The following TTLL9 variants were observed in gnomAD, a reference collection of about 807,000 sequenced individuals.
The protein encoded by TTLL9 is probable tubulin polyglutamylase TTLL9.
In TTLL9, 47 loss-of-function variants were observed where a neutral mutation model predicts 65.6. The observed-to-expected ratio is 0.72, with a 90% CI of 0.57 to 0.91. TTLL9 has a LOEUF of 0.91. Among genes scored for constraint, TTLL9 ranks in the 40% least tolerant of loss-of-function variants. TTLL9 has a pLI of 0.00. For synonymous variants in TTLL9, 179 were observed against 204.8 expected (o/e 0.87, Z 1.07); for missense variants, 537 against 568.8 (o/e 0.94, Z 0.57).
At chr20:31,935,952 T>A (rs188763463) in intron 12 of TTLL9, among the ~76,000 whole-genome samples, 1 of 152,380 alleles carries the variant, frequency 6.6e-6, no homozygotes. Context: ...CCAAGAGGAC[T>A]GGCTGCACAG....
intron 4 of TTLL9, among the ~76,000 whole-genome samples, chr20:31,898,863 G>A (rs1357474187): frequency 6.6e-6 from 1 of 152,244 alleles, no homozygotes; most frequent in East Asian, 1.9e-4. Context: ...TTTGTGTCCT[G>A]TGGTTTTCAG....
At chr20:31,906,548 C>T (rs990172698) in intron 4 of TTLL9, among the ~76,000 whole-genome samples, 1 of 152,212 alleles carries the variant, frequency 6.6e-6, no homozygotes, top group African/African-American at 2.4e-5. Context: ...CTTCATTTTT[C>T]TCCATTTCTG....
chr20:31,871,285 A>C (rs1380576247), intron 2 of TTLL9, 90 bp downstream of exon 2: 34 of 1,447,404 alleles, frequency 2.3e-5, no homozygotes, highest in Middle Eastern at 3.5e-4. Flanking sequence ...AGGGTCCTGG[A>C]AGGGGTCTGG....
chr20:31,891,545 G>A (rs543027983), intron 3 of TTLL9, among the ~76,000 whole-genome samples: 16 of 148,690 alleles, frequency 1.1e-4, no homozygotes, highest in Non-Finnish European at 1.9e-4. Flanking sequence ...TTGCTATGTT[G>A]CTCTGGCTGG....
intron 4 of TTLL9, among the ~76,000 whole-genome samples, chr20:31,905,639 G>A (rs1044720428): frequency 6.6e-6 from 1 of 152,162 alleles, no homozygotes; most frequent in Non-Finnish European, 1.5e-5. Flanking sequence ...GAAAGGCTGG[G>A]TCTGTCTGCC....
intron 9 of TTLL9, 27 bp downstream of exon 9, chr20:31,925,076 T>A: frequency 6.2e-7 from 1 of 1,610,580 alleles, no homozygotes; most frequent in South Asian, 1.1e-5. Flanking sequence ...GGGGCCCTCC[T>A]CCAGCAGGGG....
intron 10 of TTLL9, among the ~76,000 whole-genome samples, chr20:31,929,602 T>G (rs2063970359): frequency 6.6e-6 from 1 of 152,212 alleles, no homozygotes; most frequent in African/African-American, 2.4e-5. Context: ...CTTTTTTTTT[T>G]TCATTAATGA....
intron 10 of TTLL9, among the ~76,000 whole-genome samples, 166 bp downstream of exon 10, chr20:31,926,257 G>A (rs977687521): frequency 5.9e-5 from 9 of 152,140 alleles, no homozygotes; most frequent in African/African-American, 7.2e-5. Flanking sequence ...TCCTAGGGTC[G>A]GACAGTTTTA....
intron 2 of TTLL9, among the ~76,000 whole-genome samples, chr20:31,873,644 T>G (rs1171898293): frequency 1.6e-5 from 2 of 121,822 alleles, no homozygotes; most frequent in Non-Finnish European, 3.2e-5. Context: ...AGTGAGACCC[T>G]GTCAAAAAAA....
At chr20:31,898,635 C>A in intron 4 of TTLL9, 70 bp downstream of exon 4, 1 of 1,445,594 alleles carries the variant, frequency 6.9e-7, no homozygotes, top group Non-Finnish European at 9.6e-7. Context: ...CTTTGTTTTT[C>A]TCCCAGTTCC....
At chr20:31,890,891 C>T (rs762605738) in intron 3 of TTLL9, among the ~76,000 whole-genome samples, 3 of 152,166 alleles carry the variant, frequency 2.0e-5, no homozygotes, top group Non-Finnish European at 2.9e-5. Context: ...CAGGTAGCAT[C>T]GAAGGTGCTG....
intron 6 of TTLL9, among the ~76,000 whole-genome samples, chr20:31,911,779 C>CT (rs1568794345): frequency 6.6e-6 from 1 of 151,804 alleles, no homozygotes; most frequent in African/African-American, 2.4e-5. Flanking sequence ...GCAGACACAA[C>CT]GGCAGCTACA....
At chr20:31,890,058 C>CTT (rs1555809856) in intron 3 of TTLL9, among the ~76,000 whole-genome samples, 2 of 108,326 alleles carry the variant, frequency 1.8e-5, no homozygotes, top group Non-Finnish European at 3.8e-5. Context: ...TTCTTTCTTT[C>CTT]TCTTTCTTTC....
Position 31,943,072 on chromosome 20 carries a change from C to A in TTLL9, c.*51C>A, listed in dbSNP as rs539731138. On this transcript the variant is annotated 3_prime_UTR_variant, in exon 15 of 15. Coordinates refer to ENST00000535842, the MANE Select transcript of TTLL9 (RefSeq NM_001008409.5). ...CCTTAGCAGGTGCCACCCAGGCCTC[C>A]CCCCCACTCCCAGATCCCAGCACAG... is the stretch of plus-strand genomic sequence containing the variant. 13 of 1,526,260 alleles carry A rather than the reference C, an allele frequency of 8.5e-6. No individual in the cohort carries two copies. Among genetic ancestry groups the A allele is most frequent in the Non-Finnish European group, 1.0e-5 (11 of 1,102,756 alleles). 94.5% of individuals were successfully genotyped at this position (1,526,260 alleles called of 1,614,324 possible).
At chr20:31,942,573 G>C (rs2064229324) in intron 14 of TTLL9, among the ~76,000 whole-genome samples, 1 of 152,162 alleles carries the variant, frequency 6.6e-6, no homozygotes, top group Admixed American at 6.5e-5. Context: ...CAGGTAGTCT[G>C]GGTTCAAATG....
At chr20:31,935,918 C>G (rs750110620) in intron 12 of TTLL9, among the ~76,000 whole-genome samples, 30 of 152,206 alleles carry the variant, frequency 2.0e-4, no homozygotes, top group Admixed American at 1.9e-3. Flanking sequence ...TGTGCCCCTC[C>G]GTATGGGCAA....
chr20:31,881,984 A>G (rs893601901), intron 2 of TTLL9, among the ~76,000 whole-genome samples: 1 of 152,190 alleles, frequency 6.6e-6, no homozygotes, highest in Non-Finnish European at 1.5e-5. Flanking sequence ...TTGGAAAGGG[A>G]AAGAAAGGTC....
Position 31,939,237 on chromosome 20 carries a change from T to A in TTLL9, c.1214T>A (p.Met405Lys). The A allele has an allele frequency of 6.2e-7, 1 of 1,613,424 alleles. No homozygotes were observed. The highest frequency in any genetic ancestry group is 8.5e-7 in the Non-Finnish European group (1 of 1,179,726). ...GAGGGGGCTCCTGACCTGTCGGGAATGGGAAACTTTGTGACCAACACACAT... is the reference window on the plus strand; with the variant it reads ...GAGGGGGCTCCTGACCTGTCGGGAAAGGGAAACTTTGTGACCAACACACAT... ...REEGAPDLSGMGNFVTNTHLG... is the reference protein window; with the variant it reads ...REEGAPDLSGKGNFVTNTHLG... The change falls in exon 14 of 15, where the codon ATG becomes AAG. Residue 405 changes from methionine to lysine, a missense_variant. Met to Lys is a moderately conservative substitution (Grantham distance 95). Around this residue, in one of 3 missense-constraint regions of TTLL9, gnomAD observed 205 missense variants for 225.9 expected, o/e 0.91. Coordinates refer to ENST00000535842, the MANE Select transcript of TTLL9 (RefSeq NM_001008409.5).
chr20:31,935,077 A>G (rs2064087949), intron 12 of TTLL9, among the ~76,000 whole-genome samples, 189 bp downstream of exon 12: 1 of 152,132 alleles, frequency 6.6e-6, no homozygotes, highest in African/African-American at 2.4e-5. Context: ...AGGTCATTAG[A>G]GGATCGTTAT....
Sources: gnomAD v4.1 joint callset for allele counts (sites outside exome capture counted in the v4.1 genomes callset) on GRCh38, gnomAD v4.1.1 for gene constraint, gnomAD v4.1.1 regional missense constraint, MANE v1.5 for transcripts, NCBI Gene and HGNC (gene_info 2026-07-23, HGNC 2026-07-21) for gene names.